DNAH8: variants seen among roughly 807,000 people sequenced by gnomAD.
DNAH8 encodes the protein axonemal beta dynein heavy chain 8.
In DNAH8, 382 loss-of-function variants were observed where a neutral mutation model predicts 562.1. The ratio of observed to expected loss-of-function variants is 0.68; its 90% CI spans 0.63 to 0.74. DNAH8 has a LOEUF of 0.74. Among genes scored for constraint, DNAH8 ranks in the 30% least tolerant of loss-of-function variants. DNAH8 has a pLI of 0.00. For missense variants in DNAH8, 5,203 were observed against 5,620.4 expected, an observed-to-expected ratio of 0.93 and a Z score of 2.37; for synonymous variants, 1,881 against 1,919.4, an observed-to-expected ratio of 0.98 and a Z score of 0.52.
chr6:38,969,278 G>A (rs1763178886), intron 82 of DNAH8, among the ~76,000 whole-genome samples: 1 of 151,958 alleles, frequency 6.6e-6, no homozygotes, highest in African/African-American at 2.4e-5. Flanking sequence ...TAATTTATAT[G>A]GAAATTATAC....
intron 26 of DNAH8, among the ~76,000 whole-genome samples, chr6:38,817,415 G>A (rs1483397029): frequency 1.3e-5 from 2 of 152,120 alleles, no homozygotes; most frequent in Non-Finnish European, 1.5e-5. Flanking sequence ...GACCCCTATG[G>A]CACCTTTCTA....
chr6:38,770,571 G>A lies in DNAH8; in HGVS notation c.1764+12G>A, dbSNP rs772211859. On this transcript the variant is annotated intron_variant, in intron 12 of 92. Transcript: ENST00000327475. ...AAAGACTGGAGAAGGTAAGCATTAT[G>A]CAGTCATCGTACCCCACTCCACACC... The A allele has an allele frequency of 6.3e-6, 10 of 1,583,260 alleles. No individual in the cohort carries two copies. Among genetic ancestry groups the A allele is most frequent in the Non-Finnish European group, 8.6e-6 (10 of 1,169,182 alleles).
At chr6:38,845,529 T>A (rs753898578) in intron 35 of DNAH8, 45 bp from the exon 36 acceptor site, 1 of 1,498,028 alleles carries the variant, frequency 6.7e-7, no homozygotes, top group South Asian at 1.2e-5. Flanking sequence ...GCACTTAATT[T>A]GTAGTTGAAA....
At chr6:39,019,294 G>A (rs1425431151) in intron 91 of DNAH8, among the ~76,000 whole-genome samples, 2 of 152,148 alleles carry the variant, frequency 1.3e-5, no homozygotes, top group African/African-American at 4.8e-5. Flanking sequence ...GGGCATAGAT[G>A]CTTATGGTGA....
chr6:38,797,401 T>C lies in DNAH8; in HGVS notation c.2901+5727T>C, dbSNP rs1483607293. On this transcript the variant is annotated intron_variant, in intron 21 of 92. Transcript: ENST00000327475. ...TCCTAGATAAATAATAGTGAAGATA[T>C]ATGCTTAAAATATTCCTAACACCAG... is the stretch of plus-strand genomic sequence containing the variant. 3.3e-5 allele frequency among the ~76,000 whole-genome samples: 5 copies of C among 152,328 alleles called. No individual in the cohort carries two copies. In the East Asian group the frequency reaches 7.7e-4, roughly 23 times the overall value.
chr6:38,930,472 A>G (rs1347476203), intron 75 of DNAH8, among the ~76,000 whole-genome samples: 1 of 152,194 alleles, frequency 6.6e-6, no homozygotes, highest in East Asian at 1.9e-4. Flanking sequence ...AATCTTTTAT[A>G]TGCCGCATTT....
At chr6:38,909,818 C>G in intron 65 of DNAH8, 74 bp downstream of exon 65, 1 of 1,204,226 alleles carries the variant, frequency 8.3e-7, no homozygotes, top group South Asian at 1.3e-5. Context: ...ATTGTAACAT[C>G]CAGCAGAAGA....
intron 70 of DNAH8, 119 bp downstream of exon 70, chr6:38,918,259 A>C: frequency 1.5e-6 from 1 of 677,608 alleles, no homozygotes; most frequent in Non-Finnish European, 2.4e-6. Flanking sequence ...CCCTGTTACC[A>C]AATTTGTCTT....
chr6:38,858,696 T>A (rs1342436661), intron 42 of DNAH8, among the ~76,000 whole-genome samples: 2 of 152,220 alleles, frequency 1.3e-5, no homozygotes, highest in Non-Finnish European at 2.9e-5. Flanking sequence ...GAAAAACTGC[T>A]CTAGGATTTA....
chr6:38,806,542 AC>A (rs1385121519), intron 23 of DNAH8, among the ~76,000 whole-genome samples: 1 of 152,130 alleles, frequency 6.6e-6, no homozygotes, highest in Non-Finnish European at 1.5e-5. Context: ...ATGACTGAGT[AC>A]CCTCAGAACC....
Position 39,012,603 on chromosome 6 carries a change from T to A in DNAH8, c.13680T>A (p.Asn4560Lys), listed in dbSNP as rs369301487. The change falls in exon 91 of 93, where the codon AAT (asparagine) becomes AAA (lysine). Residue 4560 changes from asparagine to lysine, a missense_variant. By Grantham distance (94) the Asn-to-Lys change is moderately conservative. Coordinates refer to ENST00000327475, the MANE Select transcript of DNAH8 (RefSeq NM_001206927.2). ...FSTWIFEGRPNVFWMTGFFNP... is the reference protein window; with the variant it reads ...FSTWIFEGRPKVFWMTGFFNP... The stretch of plus-strand genomic sequence containing the variant: ...CGTGGATATTTGAAGGGAGGCCTAA[T>A]GTGTTTTGGATGACTGGTTTCTTTA... The A allele has an allele frequency of 1.9e-6, 3 of 1,613,968 alleles. No individual in the cohort carries two copies. Among genetic ancestry groups the A allele is most frequent in the African/African-American group, 1.3e-5 (1 of 74,930 alleles).
intron 79 of DNAH8, among the ~76,000 whole-genome samples, chr6:38,940,525 A>G (rs1783358350): frequency 6.6e-6 from 1 of 152,176 alleles, no homozygotes. Flanking sequence ...CTTCTCATTC[A>G]TGTTACCTCT....
At chr6:38,844,859 T>G (rs1316105063) in intron 35 of DNAH8, among the ~76,000 whole-genome samples, 1 of 152,188 alleles carries the variant, frequency 6.6e-6, no homozygotes, top group Non-Finnish European at 1.5e-5. Flanking sequence ...CTGTTCCTCC[T>G]CAGCACAGAC....
chr6:39,020,956 A>G (rs1766876904), intron 91 of DNAH8, among the ~76,000 whole-genome samples: 2 of 152,258 alleles, frequency 1.3e-5, no homozygotes, highest in South Asian at 2.1e-4. Flanking sequence ...CTTTGCTATT[A>G]TAAGTAGTGC....
chr6:39,010,412 G>A (rs1332016), intron 89 of DNAH8, among the ~76,000 whole-genome samples: 16,556 of 151,962 alleles, frequency 0.11, 1,067 homozygotes, highest in Admixed American at 0.2. Context: ...GCTATATAAG[G>A]CTACAGCAAG....
chr6:38,786,645 C>A, intron 17 of DNAH8, 120 bp from the exon 18 acceptor site: 1 of 1,000,180 alleles, frequency 1.0e-6, no homozygotes, highest in Non-Finnish European at 1.4e-6. Flanking sequence ...CTGGGGCATC[C>A]AAAACATTTC....
rs746134358 is a variant in DNAH8, at chr6:38,851,589, G to C, written c.5381G>C (p.Arg1794Pro). Reference sequence around the variant, plus strand: ...ATTTGAAGGTATTTGGAGAAGAAACGATTACTGTTTCCAAGATTCTTCTTT... The same window carrying C: ...ATTTGAAGGTATTTGGAGAAGAAACCATTACTGTTTCCAAGATTCTTCTTT... ...KSLTGYLEKK[R>P]LLFPRFFFVS... The change falls in exon 39 of 93, where the codon CGA becomes CCA. Residue 1794 changes from arginine (R) to proline (P), a missense_variant. By Grantham distance (103) the Arg-to-Pro change is moderately radical (BLOSUM62 -2). Coordinates refer to ENST00000327475, the MANE Select transcript of DNAH8 (RefSeq NM_001206927.2). 5.0e-6 allele frequency: 8 copies of C among 1,606,180 alleles called. No homozygotes were observed. In the South Asian group the frequency reaches 6.8e-5, roughly 14 times the overall value.
chr6:38,723,111 T>C lies in DNAH8; in HGVS notation c.302T>C (p.Leu101Pro), dbSNP rs1302697102. 9 of 1,612,776 alleles carry C rather than the reference T, an allele frequency of 5.6e-6. No individual in the cohort carries two copies. Among genetic ancestry groups the C allele is most frequent in the Non-Finnish European group, 7.6e-6 (9 of 1,179,902 alleles). ...RPVQSVISEV[L>P]SLPSSRRSSR... ...GTTCAGTCAGTGATTTCGGAAGTGC[T>C]GTCCTTGCCGTCTTCCCGGAGGTCC... The change falls in exon 2 of 93, where the codon CTG becomes CCG. Residue 101 changes from leucine (L) to proline (P), a missense_variant. This residue lies in a region of DNAH8 where 556 missense variants were observed against 496.9 expected (regional missense o/e 1.12). Transcript: ENST00000327475.
chr6:38,894,540 A>AT (rs1316036837), intron 58 of DNAH8, among the ~76,000 whole-genome samples, 161 bp from the exon 59 acceptor site: 1 of 152,034 alleles, frequency 6.6e-6, no homozygotes, highest in Non-Finnish European at 1.5e-5. Flanking sequence ...TTTATTTATG[A>AT]TTTTTTTCTG....
Sources: allele counts gnomAD v4.1 joint callset (sites outside exome capture counted in the v4.1 genomes callset), GRCh38; gene constraint gnomAD v4.1.1; regional missense constraint gnomAD v4.1.1; transcripts MANE v1.5; gene names NCBI Gene and HGNC (gene_info 2026-07-23, HGNC 2026-07-21).